ACVR1: variants seen among roughly 807,000 people sequenced by gnomAD.
ACVR1 encodes activin receptor type-1.
A neutral mutation model predicts 57.1 loss-of-function variants in ACVR1; 38 were observed. The ratio of observed to expected loss-of-function variants is 0.67; its 90% CI spans 0.51 to 0.87. The LOEUF (loss-of-function observed/expected upper bound fraction) is 0.87, where lower values mean the gene tolerates loss of function less well. Ranked by LOEUF, ACVR1 falls within the 40% of genes least tolerant of loss-of-function variation. ACVR1 has a pLI of 0.00. For missense variants in ACVR1, 463 were observed against 638.2 expected, an observed-to-expected ratio of 0.73 and a Z score of 2.96; for synonymous variants, 212 against 228.1, an observed-to-expected ratio of 0.93 and a Z score of 0.63.
intron 9 of ACVR1, among the ~76,000 whole-genome samples, chr2:157,745,017 T>C (rs1031500837): frequency 5.3e-5 from 8 of 152,244 alleles, no homozygotes; most frequent in African/African-American, 1.4e-4. Context: ...CCCATTGTAA[T>C]TCATGGGCTT....
intron 1 of ACVR1, among the ~76,000 whole-genome samples, chr2:157,834,174 C>T (rs1158026706): frequency 1.3e-5 from 2 of 152,198 alleles, no homozygotes; most frequent in African/African-American, 4.8e-5. Flanking sequence ...TCACTGCAAC[C>T]TCTGCCTCCC....
intron 10 of ACVR1, among the ~76,000 whole-genome samples, chr2:157,737,872 G>A (rs1684596320): frequency 6.6e-6 from 1 of 152,090 alleles, no homozygotes. Context: ...TCTGTCCTTT[G>A]GACTCTTAAT....
chr2:157,819,223 C>G (rs1173677433), intron 1 of ACVR1, among the ~76,000 whole-genome samples: 1 of 152,052 alleles, frequency 6.6e-6, no homozygotes, highest in African/African-American at 2.4e-5. Flanking sequence ...AAAATTTTGA[C>G]CCTGCATGTA....
intron 1 of ACVR1, among the ~76,000 whole-genome samples, chr2:157,858,122 C>G (rs1689597379): frequency 6.6e-6 from 1 of 152,062 alleles, no homozygotes; most frequent in African/African-American, 2.4e-5. Context: ...GCTAAACTTA[C>G]GAACACTACT....
intron 9 of ACVR1, among the ~76,000 whole-genome samples, chr2:157,746,135 C>G (rs1421835013): frequency 6.6e-6 from 1 of 152,044 alleles, no homozygotes; most frequent in Non-Finnish European, 1.5e-5. Context: ...AACAAATGTA[C>G]TAGGGCCAAG....
At chr2:157,739,653 G>A (rs890612636) in intron 9 of ACVR1, among the ~76,000 whole-genome samples, 3 of 152,084 alleles carry the variant, frequency 2.0e-5, no homozygotes, top group African/African-American at 2.4e-5. Context: ...GTTGTAATTC[G>A]GTTGTTCTAG....
chr2:157,855,506 G>A (rs576150726), intron 1 of ACVR1, among the ~76,000 whole-genome samples: 10 of 151,796 alleles, frequency 6.6e-5, no homozygotes, highest in African/African-American at 2.4e-4. Flanking sequence ...ATGAACAACT[G>A]ATGAGTCCTC....
chr2:157,779,638 G>T (rs1249182634), intron 4 of ACVR1, among the ~76,000 whole-genome samples: 5 of 152,194 alleles, frequency 3.3e-5, no homozygotes, highest in South Asian at 2.1e-4. Context: ...TATGGTAAGA[G>T]AATAAATTTG....
intron 9 of ACVR1, among the ~76,000 whole-genome samples, chr2:157,740,540 T>C (rs1344879475): frequency 6.6e-6 from 1 of 152,212 alleles, no homozygotes; most frequent in Non-Finnish European, 1.5e-5. Flanking sequence ...TCAATTTTTC[T>C]GAAAGAGAAT....
At chr2:157,850,888 C>T (rs938659635) in intron 1 of ACVR1, among the ~76,000 whole-genome samples, 3 of 151,988 alleles carry the variant, frequency 2.0e-5, no homozygotes, top group African/African-American at 7.3e-5. Context: ...ACCTGGGAGG[C>T]GGAGGTTGTA....
intron 8 of ACVR1, 80 bp downstream of exon 8, chr2:157,765,841 T>C (rs2105260093): frequency 6.9e-7 from 1 of 1,451,462 alleles, no homozygotes; most frequent in East Asian, 2.3e-5. Context: ...CATAACATGT[T>C]GTGGGGGAGA....
intron 5 of ACVR1, 23 bp from the exon 6 acceptor site, chr2:157,774,210 A>G: frequency 6.3e-7 from 1 of 1,598,434 alleles, no homozygotes; most frequent in Non-Finnish European, 8.6e-7. Flanking sequence ...ACAAGGGGGA[A>G]AAGAAACGAT....
intron 7 of ACVR1, among the ~76,000 whole-genome samples, chr2:157,767,686 C>T (rs1260365132): frequency 2.6e-5 from 4 of 151,918 alleles, no homozygotes; most frequent in Non-Finnish European, 5.9e-5. Flanking sequence ...TGAGATTTTT[C>T]CCAACAAGCT....
chr2:157,810,887 C>A (rs1402320032), intron 2 of ACVR1, among the ~76,000 whole-genome samples: 1 of 152,144 alleles, frequency 6.6e-6, no homozygotes, highest in Non-Finnish European at 1.5e-5. Context: ...AGTGAAATAC[C>A]CCTTGTTAAG....
At chr2:157,843,617 T>C (rs1400652732) in intron 1 of ACVR1, among the ~76,000 whole-genome samples, 1 of 152,194 alleles carries the variant, frequency 6.6e-6, no homozygotes, top group Non-Finnish European at 1.5e-5. Flanking sequence ...TAGGCCATTC[T>C]TACCCATTAT....
At chr2:157,845,851 G>A (rs1689113021) in intron 1 of ACVR1, among the ~76,000 whole-genome samples, 1 of 152,220 alleles carries the variant, frequency 6.6e-6, no homozygotes, top group African/African-American at 2.4e-5. Flanking sequence ...CCAATGGGGA[G>A]TCACCAAAGA....
At chr2:157,811,293 C>T (rs904268262) in intron 2 of ACVR1, among the ~76,000 whole-genome samples, 5 of 152,176 alleles carry the variant, frequency 3.3e-5, no homozygotes, top group Non-Finnish European at 7.4e-5. Flanking sequence ...TTTTCTTAGA[C>T]TCGGGAACCA....
intron 8 of ACVR1, among the ~76,000 whole-genome samples, chr2:157,761,425 T>A (rs1381276843): frequency 6.6e-6 from 1 of 152,198 alleles, no homozygotes; most frequent in African/African-American, 2.4e-5. Context: ...TCTAAGTGGC[T>A]TAACAAGAAG....
intron 2 of ACVR1, among the ~76,000 whole-genome samples, chr2:157,811,257 T>C (rs1332628384): frequency 1.3e-5 from 2 of 152,194 alleles, no homozygotes; most frequent in South Asian, 2.1e-4. Context: ...AGCTCAGCCT[T>C]TTCTTTTCAC....
Sources: allele counts gnomAD v4.1 joint callset (sites outside exome capture counted in the v4.1 genomes callset), GRCh38; gene constraint gnomAD v4.1.1; transcripts MANE v1.5; gene names NCBI Gene and HGNC (gene_info 2026-07-23, HGNC 2026-07-21).